Variants in MAML1 observed in about 807,000 individuals in gnomAD.
The protein encoded by MAML1 is mastermind-like protein 1.
Under a neutral mutation model 77.1 loss-of-function variants are expected in MAML1, and 14 were observed. The observed-to-expected ratio is 0.18, with a 90% CI of 0.12 to 0.28. The LOEUF (loss-of-function observed/expected upper bound fraction) is 0.28, where lower values mean the gene tolerates loss of function less well. Among genes scored for constraint, MAML1 ranks in the 10% least tolerant of loss-of-function variants. MAML1 has a pLI of 1.00. For missense variants in MAML1, 1,217 were observed against 1,327.8 expected (o/e 0.92, Z 1.30); for synonymous variants, 516 against 551.9 (o/e 0.93, Z 0.91).
In MAML1 at chr5:179,774,985, G is replaced by A. The variant is rs1229566294; in HGVS notation, c.*108G>A. ...CAAAAGCCCATGGCCTGGGGAGCTG[G>A]GCAGGTAGAGCCCAAGCTCCAGGTG... On this transcript the variant is annotated 3_prime_UTR_variant, in exon 5 of 5. Transcript: ENST00000292599. 23 of 1,492,714 alleles carry A rather than the reference G, an allele frequency of 1.5e-5. No homozygotes were observed. The highest frequency in any genetic ancestry group is 1.8e-5 in the Non-Finnish European group (20 of 1,130,088). 92.5% of individuals were successfully genotyped at this position (1,492,714 alleles called of 1,614,324 possible).
intron 1 of MAML1, among the ~76,000 whole-genome samples, chr5:179,761,580 C>T (rs1427311065): frequency 6.6e-6 from 1 of 151,726 alleles, no homozygotes; most frequent in Non-Finnish European, 1.5e-5. Flanking sequence ...CTGTAATCCC[C>T]GCTGCTCGAG....
chr5:179,764,590 G>A (rs1399394926), intron 1 of MAML1, among the ~76,000 whole-genome samples: 4 of 151,872 alleles, frequency 2.6e-5, no homozygotes, highest in East Asian at 1.9e-4. Flanking sequence ...AACCCTGGAG[G>A]CGGAGGTTGC....
At position 179,774,738 on chromosome 5, in the gene MAML1, C is replaced by T; in HGVS notation, c.2912C>T (p.Pro971Leu). ...YPVRTAGQEL[P>L]FAYSGQPGGS... The stretch of plus-strand genomic sequence containing the variant: ...GTGCGGACCGCGGGCCAGGAGCTGC[C>T]TTTTGCCTATAGCGGGCAGCCAGGT... The change falls in exon 5 of 5, where the codon CCT (proline) becomes CTT (leucine). Residue 971 changes from proline to leucine, a missense_variant. Physicochemically the swap from Pro to Leu is moderately conservative, Grantham distance 98. Transcript: ENST00000292599. 1 of 1,612,528 alleles carries T rather than the reference C, an allele frequency of 6.2e-7. No homozygotes were observed. The highest frequency in any genetic ancestry group is 8.5e-7 in the Non-Finnish European group (1 of 1,180,026).
chr5:179,733,357 C>A lies in MAML1; in HGVS notation c.245C>A (p.Ala82Asp). The change falls in exon 1 of 5, where the codon GCC becomes GAC. Residue 82 changes from alanine to aspartate, a missense_variant. Ala to Asp is a moderately radical substitution (Grantham distance 126). Around this residue, in one of 3 missense-constraint regions of MAML1, gnomAD observed 312 missense variants for 331.4 expected, o/e 0.94. Coordinates refer to ENST00000292599, the MANE Select transcript of MAML1 (RefSeq NM_014757.5). ...CACAGGCAGCCGCCCGCCGCCACGG[C>A]CCCGGCGCCCGCCGCCCCGGCCCCG... The part of the protein sequence containing the change: ...GKHRQPPAAT[A>D]PAPAAPAPRL... 1 of 1,244,646 alleles carries A rather than the reference C, an allele frequency of 8.0e-7. No homozygotes were observed. Among genetic ancestry groups the A allele is most frequent in the Non-Finnish European group, 1.0e-6 (1 of 996,424 alleles). 77.1% of individuals were successfully genotyped at this position (1,244,646 alleles called of 1,614,324 possible).
chr5:179,746,670 G>A (rs1779389901), intron 1 of MAML1, among the ~76,000 whole-genome samples: 1 of 152,156 alleles, frequency 6.6e-6, no homozygotes, highest in Admixed American at 6.5e-5. Flanking sequence ...ACCACACCTA[G>A]CCAGCAATGT....
chr5:179,770,984 C>G (rs1755975101), intron 3 of MAML1, 163 bp from the exon 4 acceptor site: 1 of 599,208 alleles, frequency 1.7e-6, no homozygotes. Flanking sequence ...AGATCTGTTT[C>G]ATACTATTTA....
In MAML1 at chr5:179,766,410, T is replaced by A. The variant is rs1449883513; in HGVS notation, c.1400T>A (p.Met467Lys). The A allele has an allele frequency of 1.2e-6, 2 of 1,612,794 alleles. No homozygotes were observed. Among genetic ancestry groups the A allele is most frequent in the East Asian group, 2.2e-5 (1 of 44,880 alleles). Residue 467 changes from methionine to lysine, a missense_variant, in exon 2 of 5, where the codon ATG (methionine) becomes AAG (lysine). By Grantham distance (95) the Met-to-Lys change is moderately conservative. Coordinates refer to ENST00000292599, the MANE Select transcript of MAML1 (RefSeq NM_014757.5). The surrounding 1 kb of genome is among the most constrained non-coding windows in gnomAD (Gnocchi z 4.0). Reference protein sequence around the residue: ...QDFTNSKLLMMPSVNKSSPRP... With the variant: ...QDFTNSKLLMKPSVNKSSPRP... ...TTCACTAACTCCAAACTGCTCATGA[T>A]GCCTAGTGTGAATAAGAGTTCCCCT...
intron 1 of MAML1, among the ~76,000 whole-genome samples, chr5:179,746,935 C>G (rs565435659): frequency 3.9e-5 from 6 of 152,230 alleles, no homozygotes; most frequent in African/African-American, 1.4e-4. Flanking sequence ...TAAGAGGTAC[C>G]TTGTTTCTTT....
chr5:179,734,294 G>A (rs1779124841), intron 1 of MAML1, among the ~76,000 whole-genome samples: 1 of 152,118 alleles, frequency 6.6e-6, no homozygotes, highest in Admixed American at 6.5e-5. Context: ...CTGGGCTATT[G>A]CAGTGCCTGT....
chr5:179,748,484 C>A (rs1489687356), intron 1 of MAML1, among the ~76,000 whole-genome samples: 2 of 152,114 alleles, frequency 1.3e-5, no homozygotes, highest in African/African-American at 4.8e-5. Flanking sequence ...TTATAAACCA[C>A]ATGCCCTAAA....
chr5:179,758,398 C>CTTTTT (rs530390008), intron 1 of MAML1, among the ~76,000 whole-genome samples: 1 of 138,554 alleles, frequency 7.2e-6, no homozygotes, highest in Non-Finnish European at 1.6e-5. Flanking sequence ...TTTTTCTTTT[C>CTTTTT]TTTTTTTTTT....
intron 1 of MAML1, among the ~76,000 whole-genome samples, chr5:179,749,104 T>C (rs1009673213): frequency 6.6e-6 from 1 of 152,082 alleles, no homozygotes; most frequent in Admixed American, 6.6e-5. Flanking sequence ...TAGCTGGGAT[T>C]ACAGGCGCCT....
intron 1 of MAML1, among the ~76,000 whole-genome samples, chr5:179,748,950 GTTT>G (rs71276885): frequency 9.3e-6 from 1 of 107,952 alleles, no homozygotes; most frequent in Non-Finnish European, 2.1e-5. Context: ...AGGTGTTTTT[GTTT>G]TTTTTTTTTT....
intron 1 of MAML1, among the ~76,000 whole-genome samples, chr5:179,761,269 C>T (rs1365807583): frequency 6.6e-6 from 1 of 152,062 alleles, no homozygotes; most frequent in Non-Finnish European, 1.5e-5. Context: ...TGGTTCATGC[C>T]TGTGGTCCCA....
At position 179,765,775 on chromosome 5, in the gene MAML1, C is replaced by G. The variant is rs575822811; in HGVS notation, c.765C>G (p.Ile255Met). The change falls in exon 2 of 5, where the codon ATC (isoleucine) becomes ATG (methionine). Residue 255 changes from isoleucine to methionine, a missense_variant. Around this residue, in one of 3 missense-constraint regions of MAML1, gnomAD observed 21 missense variants for 47.1 expected, o/e 0.45. Coordinates refer to ENST00000292599, the MANE Select transcript of MAML1 (RefSeq NM_014757.5). ...NLNEQEWKEL[I>M]EELNRSVPDE... ...ACGAGCAGGAGTGGAAGGAGCTCAT[C>G]GAGGAGCTGAACAGGTCGGTGCCCG... 2.5e-6 allele frequency: 4 copies of G among 1,614,128 alleles called. No homozygotes were observed. The South Asian group carries it at 3.3e-5, about 13-fold the overall frequency.
chr5:179,765,852 C>T lies in MAML1; in HGVS notation c.842C>T (p.Pro281Leu). ...GAGGACTTCGAGGAGAAGAAGGACC[C>T]AGAGTCTTCTGGCTCTGCCACACAA... ...FNEDFEEKKD[P>L]ESSGSATQTP... Residue 281 changes from proline to leucine, a missense_variant, in exon 2 of 5, where the codon CCA (proline) becomes CTA (leucine). Pro to Leu is a moderately conservative substitution (Grantham distance 98). Transcript: ENST00000292599. The T allele has an allele frequency of 6.2e-7, 1 of 1,614,136 alleles. No homozygotes were observed.
chr5:179,766,566 C>G lies in MAML1; in HGVS notation c.1556C>G (p.Ser519Cys). The change falls in exon 2 of 5, where the codon TCT (serine) becomes TGT (cysteine). Residue 519 changes from serine to cysteine, a missense_variant. Physicochemically the swap from Ser to Cys is moderately radical, Grantham distance 112. Around this residue, in one of 3 missense-constraint regions of MAML1, gnomAD observed 884 missense variants for 949.3 expected, o/e 0.93. Transcript: ENST00000292599. The surrounding 1 kb of genome is among the most constrained non-coding windows in gnomAD (Gnocchi z 4.0). Reference protein sequence around the residue: ...VLDYGNTKPLSHYKADCGQGS... With the variant: ...VLDYGNTKPLCHYKADCGQGS... ...GACTACGGCAATACAAAACCCCTTT[C>G]TCATTACAAAGCGGACTGTGGGCAA... 6.2e-7 allele frequency: 1 copy of G among 1,609,356 alleles called. No homozygotes were observed. Among genetic ancestry groups the G allele is most frequent in the Non-Finnish European group, 8.5e-7 (1 of 1,176,906 alleles).
intron 1 of MAML1, among the ~76,000 whole-genome samples, chr5:179,735,134 C>T (rs1484530045): frequency 6.6e-6 from 1 of 152,064 alleles, no homozygotes; most frequent in Admixed American, 6.6e-5. Flanking sequence ...TGTAACTAAC[C>T]TGCACATTGT....
chr5:179,765,817 C>A lies in MAML1; in HGVS notation c.807C>A (p.Asp269Glu). The A allele has an allele frequency of 6.2e-7, 1 of 1,614,150 alleles. No individual in the cohort carries two copies. Reference sequence around the variant, plus strand: ...CGGTGCCCGATGAAGACATGAAGGACCTGTTTAATGAGGACTTCGAGGAGA... The same window carrying A: ...CGGTGCCCGATGAAGACATGAAGGAACTGTTTAATGAGGACTTCGAGGAGA... ...NRSVPDEDMK[D>E]LFNEDFEEKK... Residue 269 changes from aspartate to glutamate, a missense_variant, in exon 2 of 5, where the codon GAC becomes GAA. This residue lies in a region of MAML1 where 884 missense variants were observed against 949.3 expected (regional missense o/e 0.93). Coordinates refer to ENST00000292599, the MANE Select transcript of MAML1 (RefSeq NM_014757.5).
Sources: allele counts gnomAD v4.1 joint callset (sites outside exome capture counted in the v4.1 genomes callset), GRCh38; gene constraint gnomAD v4.1.1; regional missense constraint gnomAD v4.1.1; non-coding constraint Gnocchi (gnomAD v3.1); transcripts MANE v1.5; gene names NCBI Gene and HGNC (gene_info 2026-07-23, HGNC 2026-07-21).